The following MTF2 variants were observed in gnomAD, a reference collection of about 807,000 sequenced individuals.
The protein encoded by MTF2 is metal response element binding transcription factor 2, also known as metal-response element-binding transcription factor 2.
MTF2 carries 11 observed loss-of-function variants against 79.5 expected under a neutral mutation model. That is an observed-to-expected ratio of 0.14 (90% CI 0.09 to 0.23). The LOEUF (loss-of-function observed/expected upper bound fraction) is 0.23. MTF2 is among the 10% of genes least tolerant of loss of function. MTF2 has a pLI of 1.00. For synonymous variants in MTF2, 208 were observed against 232.8 expected, an observed-to-expected ratio of 0.89 and a Z score of 0.97; for missense variants, 486 against 711.2, an observed-to-expected ratio of 0.68 and a Z score of 3.60.
intron 9 of MTF2, among the ~76,000 whole-genome samples, chr1:93,124,687 A>AT (rs1656621198): frequency 6.6e-6 from 1 of 152,050 alleles, no homozygotes; most frequent in African/African-American, 2.4e-5. Context: ...TATAATTAGC[A>AT]TATAGTATGG....
At chr1:93,081,920 A>G (rs76738135) in intron 1 of MTF2, among the ~76,000 whole-genome samples, 2,310 of 152,342 alleles carry the variant, frequency 0.015, 28 homozygotes, top group Non-Finnish European at 0.023. Context: ...TTCATTAACC[A>G]TGGAAACCAC....
intron 1 of MTF2, among the ~76,000 whole-genome samples, chr1:93,092,950 A>G (rs1170159725): frequency 2.0e-5 from 3 of 152,168 alleles, no homozygotes; most frequent in African/African-American, 4.8e-5. Context: ...TGGGAGGCCA[A>G]GGCGGGCAAA....
At chr1:93,110,776 A>G in intron 3 of MTF2, 150 bp downstream of exon 3, 1 of 660,446 alleles carries the variant, frequency 1.5e-6, no homozygotes, top group Non-Finnish European at 2.6e-6. Context: ...CATAGTCGTT[A>G]TTATAGACCA....
chr1:93,104,920 G>T (rs1174760382), intron 1 of MTF2, among the ~76,000 whole-genome samples: 2 of 152,016 alleles, frequency 1.3e-5, no homozygotes, highest in African/African-American at 4.8e-5. Flanking sequence ...ACTTTGGGAG[G>T]CCGAGGCAGG....
intron 10 of MTF2, 103 bp downstream of exon 10, chr1:93,127,402 C>G (rs1348703548): frequency 1.4e-6 from 1 of 729,954 alleles, no homozygotes; most frequent in African/African-American, 1.8e-5. Context: ...CAGAAGAAGT[C>G]TATACCATTT....
intron 1 of MTF2, among the ~76,000 whole-genome samples, chr1:93,107,590 A>C (rs1259178130): frequency 3.3e-5 from 5 of 152,234 alleles, no homozygotes; most frequent in African/African-American, 9.6e-5. Flanking sequence ...TTGAGTTGCC[A>C]GCTGAACTAG....
At chr1:93,080,142 A>G (rs1446502123) in intron 1 of MTF2, among the ~76,000 whole-genome samples, 1 of 151,904 alleles carries the variant, frequency 6.6e-6, no homozygotes, top group Admixed American at 6.6e-5. Context: ...AGATGGGGGA[A>G]AGCTAGGTAG....
At chr1:93,092,537 A>C (rs1437821759) in intron 1 of MTF2, among the ~76,000 whole-genome samples, 1 of 152,120 alleles carries the variant, frequency 6.6e-6, no homozygotes, top group Admixed American at 6.6e-5. Context: ...CCCTTAGCTA[A>C]TTCTTTATAT....
intron 1 of MTF2, among the ~76,000 whole-genome samples, chr1:93,099,975 T>G (rs1399741895): frequency 6.6e-6 from 1 of 152,190 alleles, no homozygotes. Context: ...CTTACTGATT[T>G]AATGAAAATA....
intron 11 of MTF2, among the ~76,000 whole-genome samples, chr1:93,130,093 G>A (rs778610437): frequency 6.6e-6 from 1 of 152,198 alleles, no homozygotes; most frequent in South Asian, 2.1e-4. Flanking sequence ...AACAGCAAGT[G>A]CAAAGGCTTT....
intron 1 of MTF2, among the ~76,000 whole-genome samples, chr1:93,090,379 T>C (rs1046719093): frequency 6.6e-6 from 1 of 152,112 alleles, no homozygotes; most frequent in African/African-American, 2.4e-5. Context: ...CCCAAAGTGT[T>C]GGGATTACAG....
At position 93,115,066 on chromosome 1, in the gene MTF2, G is replaced by A; in HGVS notation, c.461G>A (p.Cys154Tyr). ...GATGAAAAATGGCTCTGTCGGCAGT[G>A]TGTTTTTGCAACAACAACAAAGGTA... ...DSDEKWLCRQ[C>Y]VFATTTKRGG... The change falls in exon 5 of 15, where the codon TGT becomes TAT. Residue 154 changes from cysteine (C) to tyrosine (Y), a missense_variant. Cys to Tyr is a radical substitution (Grantham distance 194). This residue lies in a region of MTF2 where 177 missense variants were observed against 364.0 expected (regional missense o/e 0.49). Coordinates refer to ENST00000370298, the MANE Select transcript of MTF2 (RefSeq NM_007358.4). 6.2e-7 allele frequency: 1 copy of A among 1,609,038 alleles called. No individual in the cohort carries two copies.
rs749583079 is a variant in MTF2, at chr1:93,120,618, A to G, written c.867A>G (p.Glu289=). The change falls in exon 9 of 15, where the codon GAA becomes GAG. Residue 289 remains glutamate (E), a synonymous_variant. Coordinates refer to ENST00000370298, the MANE Select transcript of MTF2 (RefSeq NM_007358.4). ...VIHKKKYFDS[E]LELMTYINEN... ...ATAAGAAGAAATACTTTGATTCTGA[A>G]CTTGAGCTTATGACATACATTAATG... 5.6e-6 allele frequency: 9 copies of G among 1,611,702 alleles called. No homozygotes were observed. Among genetic ancestry groups the G allele is most frequent in the Non-Finnish European group, 7.6e-6 (9 of 1,179,036 alleles).
In MTF2 at chr1:93,115,093, A is replaced by AT. The variant is rs769705778; in HGVS notation, c.483+9dup. 6.3e-7 allele frequency: 1 copy of AT among 1,580,740 alleles called. No homozygotes were observed. The highest frequency in any genetic ancestry group is 1.1e-5 in the South Asian group (1 of 89,912). On this transcript the variant is annotated splice_donor_region_variant and intron_variant, in intron 5 of 14. Transcript: ENST00000370298. ...GTTTTTGCAACAACAACAAAGGTAT[A>AT]TTTTAAGTGTTTTGGGCTAAAGCTC... is the stretch of plus-strand genomic sequence containing the variant.
In MTF2 at chr1:93,136,901, T is replaced by C; in HGVS notation, c.1656T>C (p.Ile552=). The change falls in exon 15 of 15, where the codon ATT becomes ATC. Residue 552 remains isoleucine (I), a synonymous_variant. Transcript: ENST00000370298. The stretch of plus-strand genomic sequence containing the variant: ...AACTCAATCATCTAAAGAACTCCAT[T>C]ACCAGTTATTTTGGTGCTGCAGGTA... ...ELQLNHLKNS[I]TSYFGAAGRI... is the part of the protein sequence containing the mutation. The C allele has an allele frequency of 1.9e-6, 3 of 1,614,204 alleles. No individual in the cohort carries two copies. The highest frequency in any genetic ancestry group is 2.5e-6 in the Non-Finnish European group (3 of 1,180,016).
intron 3 of MTF2, among the ~76,000 whole-genome samples, chr1:93,114,004 A>ATT (rs531874560): frequency 0.018 from 2,255 of 125,946 alleles, 27 homozygotes; most frequent in Non-Finnish European, 0.024. Context: ...ATTTTGTGTG[A>ATT]TTTTTTTTTT....
intron 1 of MTF2, among the ~76,000 whole-genome samples, chr1:93,105,160 A>AAG (rs1553151590): frequency 1.3e-5 from 2 of 151,146 alleles, no homozygotes; most frequent in South Asian, 2.1e-4. Context: ...AAAAAAAAAA[A>AAG]AGAGACAGAC....
intron 9 of MTF2, 65 bp from the exon 10 acceptor site, chr1:93,127,167 T>A (rs980484066): frequency 2.7e-6 from 3 of 1,116,008 alleles, no homozygotes. Flanking sequence ...TGCCTCTATC[T>A]AGCACCTGTA....
intron 1 of MTF2, among the ~76,000 whole-genome samples, chr1:93,097,709 C>T (rs556051825): frequency 1.3e-5 from 2 of 152,104 alleles, no homozygotes; most frequent in South Asian, 2.1e-4. Flanking sequence ...GCAGTTCTCG[C>T]GCCTCAGCCT....
Sources: allele counts gnomAD v4.1 joint callset (sites outside exome capture counted in the v4.1 genomes callset), GRCh38; gene constraint gnomAD v4.1.1; regional missense constraint gnomAD v4.1.1; transcripts MANE v1.5; gene names NCBI Gene and HGNC (gene_info 2026-07-23, HGNC 2026-07-21).